The following RB1CC1 variants were observed in gnomAD, a reference collection of about 807,000 sequenced individuals.
RB1CC1 encodes RB1-inducible coiled-coil protein 1.
Under a neutral mutation model 177.5 loss-of-function variants are expected in RB1CC1, and 46 were observed. The observed-to-expected ratio is 0.26, with a 90% CI of 0.20 to 0.33. The LOEUF (loss-of-function observed/expected upper bound fraction) is 0.33. RB1CC1 is among the 10% of genes least tolerant of loss of function. The pLI, the probability that RB1CC1 is intolerant of heterozygous loss-of-function variation, is 1.00. For missense variants in RB1CC1, 1,703 were observed against 1,816.3 expected, an observed-to-expected ratio of 0.94 and a Z score of 1.13; for synonymous variants, 666 against 613.6, an observed-to-expected ratio of 1.09 and a Z score of -1.26.
rs1851061846 is a variant in RB1CC1, at chr8:52,656,124, A to G, written c.3705T>C (p.Asn1235=). Residue 1235 remains asparagine (N), a synonymous_variant, in exon 15 of 24, where the codon AAT becomes AAC. Transcript: ENST00000025008. The part of the protein sequence containing the change: ...QDREQLIQKL[N]CEKDEAIQTA... ...TCTGAATAGCTTCATCTTTTTCACAATTAAGCTTCTGAATTAACTGTTCTC... is the reference window on the plus strand; with the variant it reads ...TCTGAATAGCTTCATCTTTTTCACAGTTAAGCTTCTGAATTAACTGTTCTC... 6.2e-7 allele frequency: 1 copy of G among 1,613,632 alleles called. No homozygotes were observed. Among genetic ancestry groups the G allele is most frequent in the Non-Finnish European group, 8.5e-7 (1 of 1,179,784 alleles).
chr8:52,667,968 G>A (rs1249832387), intron 8 of RB1CC1, 53 bp downstream of exon 8: 7 of 1,545,452 alleles, frequency 4.5e-6, no homozygotes, highest in South Asian at 1.2e-5. Context: ...TATAAAACAT[G>A]TGTACAAAAA....
intron 5 of RB1CC1, among the ~76,000 whole-genome samples, chr8:52,678,585 G>T (rs1448796883): frequency 6.6e-6 from 1 of 152,122 alleles, no homozygotes; most frequent in East Asian, 1.9e-4. Flanking sequence ...GATGGAGTGG[G>T]GGATGCAACG....
At chr8:52,671,873 A>AT (rs1261716576) in intron 7 of RB1CC1, among the ~76,000 whole-genome samples, 1 of 152,154 alleles carries the variant, frequency 6.6e-6, no homozygotes, top group Admixed American at 6.6e-5. Flanking sequence ...TAAAAAAAAA[A>AT]TCTAATGGGC....
intron 1 of RB1CC1, among the ~76,000 whole-genome samples, chr8:52,699,834 T>A (rs1394775694): frequency 0.011 from 587 of 53,058 alleles, 10 homozygotes; most frequent in African/African-American, 0.027. Context: ...AAAAAAAATA[T>A]ATATATATAT....
intron 8 of RB1CC1, among the ~76,000 whole-genome samples, chr8:52,662,886 C>T (rs1004157962): frequency 4.6e-5 from 7 of 151,864 alleles, no homozygotes; most frequent in Non-Finnish European, 8.8e-5. Flanking sequence ...TAACTCCTTT[C>T]GCAAAGTCTG....
chr8:52,660,865 C>G, intron 11 of RB1CC1, 61 bp downstream of exon 11: 1 of 1,413,156 alleles, frequency 7.1e-7, no homozygotes. Context: ...TACAGAAAAT[C>G]CAAGCTTATA....
intron 15 of RB1CC1, among the ~76,000 whole-genome samples, chr8:52,650,646 G>GA (rs140898863): frequency 0.03 from 4,599 of 150,988 alleles, 254 homozygotes; most frequent in African/African-American, 0.1. Context: ...GACTCTAGAG[G>GA]AAAAAAAAAT....
chr8:52,661,386 T>C (rs1851609754), intron 9 of RB1CC1, 105 bp from the exon 10 acceptor site: 5 of 1,480,736 alleles, frequency 3.4e-6, no homozygotes, highest in Non-Finnish European at 4.6e-6. Context: ...AATCAAGATA[T>C]ATAAGCTCTA....
chr8:52,642,232 A>G, intron 18 of RB1CC1, 119 bp downstream of exon 18: 1 of 1,312,194 alleles, frequency 7.6e-7, no homozygotes, highest in Non-Finnish European at 1.0e-6. Context: ...AAATAGCACA[A>G]CTTTCAGATA....
rs192430503 is a variant in RB1CC1, at chr8:52,682,106, C to T, written c.369+1443G>A. ...GTGAAAGCAGCCGGGAGGGAGGCTG[C>T]ACCCTGCAAAGCCACAGGGACAGAG... On this transcript the variant is annotated intron_variant, in intron 5 of 23. Transcript: ENST00000025008. Among the ~76,000 whole-genome samples the T allele has an allele frequency of 5.5e-3, 841 of 152,306 alleles. 7 individuals carry two copies. The highest frequency in any genetic ancestry group is 0.019 in the African/African-American group (795 of 41,564).
At chr8:52,655,871 G>T (rs752829336) in intron 15 of RB1CC1, 137 bp downstream of exon 15, 380 of 629,314 alleles carry the variant, frequency 6.0e-4, no homozygotes, top group Non-Finnish European at 8.9e-4. Context: ...TGACTAAAAA[G>T]TAAGTTTTTA....
intron 15 of RB1CC1, among the ~76,000 whole-genome samples, chr8:52,653,930 G>A (rs1334641512): frequency 6.6e-6 from 1 of 152,190 alleles, no homozygotes; most frequent in Non-Finnish European, 1.5e-5. Flanking sequence ...GAAACTGGCA[G>A]AATCCCCATG....
chr8:52,705,911 G>A (rs373437526), intron 1 of RB1CC1, among the ~76,000 whole-genome samples: 15 of 152,134 alleles, frequency 9.9e-5, no homozygotes, highest in Middle Eastern at 3.4e-3. Flanking sequence ...TGATCTATAC[G>A]TATTGATCAG....
intron 1 of RB1CC1, among the ~76,000 whole-genome samples, chr8:52,692,893 T>C (rs1345653996): frequency 6.6e-6 from 1 of 152,176 alleles, no homozygotes; most frequent in Non-Finnish European, 1.5e-5. Flanking sequence ...GAAAGCAAAG[T>C]CATCATCCAA....
At chr8:52,624,512 T>C (rs1248410282) in intron 23 of RB1CC1, among the ~76,000 whole-genome samples, 1 of 152,024 alleles carries the variant, frequency 6.6e-6, no homozygotes, top group Non-Finnish European at 1.5e-5. Context: ...TATATGTTGA[T>C]AGCTTGTAGT....
chr8:52,649,199 A>C (rs1336253374), intron 15 of RB1CC1, among the ~76,000 whole-genome samples: 1 of 152,200 alleles, frequency 6.6e-6, no homozygotes, highest in East Asian at 1.9e-4. Context: ...TTCATCAATA[A>C]AGGTTGTCCA....
intron 21 of RB1CC1, among the ~76,000 whole-genome samples, chr8:52,629,410 A>C (rs1400636657): frequency 6.6e-6 from 1 of 152,204 alleles, no homozygotes; most frequent in Non-Finnish European, 1.5e-5. Flanking sequence ...CAGGAAAATT[A>C]TTAAACCATT....
intron 1 of RB1CC1, among the ~76,000 whole-genome samples, chr8:52,708,397 G>A (rs1469801482): frequency 6.6e-6 from 1 of 152,074 alleles, no homozygotes; most frequent in Non-Finnish European, 1.5e-5. Context: ...GATGCCTGTA[G>A]TCCCAGCTGC....
intron 1 of RB1CC1, among the ~76,000 whole-genome samples, chr8:52,703,887 C>T (rs190032313): frequency 0.04 from 6,160 of 152,178 alleles, 431 homozygotes; most frequent in African/African-American, 0.14. Context: ...GCAACCAAAA[C>T]TGAAATCAGA....
Sources: allele counts gnomAD v4.1 joint callset (sites outside exome capture counted in the v4.1 genomes callset), GRCh38; gene constraint gnomAD v4.1.1; transcripts MANE v1.5; gene names NCBI Gene and HGNC (gene_info 2026-07-23, HGNC 2026-07-21).